SOX7: variants seen among roughly 807,000 people sequenced by gnomAD.
The protein encoded by SOX7 is transcription factor SOX-7.
SOX7 carries 19 observed loss-of-function variants against 24.9 expected under a neutral mutation model. That is an observed-to-expected ratio of 0.76 (90% CI 0.53 to 1.12). The LOEUF (loss-of-function observed/expected upper bound fraction) is 1.12. Among genes scored for constraint, SOX7 ranks in the 50% most tolerant of loss-of-function variants. The probability of loss-of-function intolerance (pLI) is 0.00; values close to 1 mark genes in which losing one functional copy is unlikely to be tolerated. For missense variants in SOX7, 702 were observed against 535.0 expected, an observed-to-expected ratio of 1.31 and a Z score of -3.08; for synonymous variants, 327 against 244.5, an observed-to-expected ratio of 1.34 and a Z score of -3.15.
In SOX7 at chr8:10,725,161, AT is replaced by A. The variant is rs1182515331; in HGVS notation, c.*576del. The A allele has an allele frequency of 1.3e-5, 2 of 154,774 alleles. No homozygotes were observed. The highest frequency in any genetic ancestry group is 2.4e-5 in the African/African-American group (1 of 41,480). The allele number at this position is 154,774 out of a possible 1,614,324, so 9.6% of individuals were successfully genotyped here. A position where few individuals can be genotyped will look rare whatever the true frequency, so the allele number is the denominator to read the frequency against. ...GTGATATAGTTAGCCATACTGGTTAATTTCTCAAATCAGGTTGACTGTTTTT... is the reference window on the plus strand; with the variant it reads ...GTGATATAGTTAGCCATACTGGTTAATTCTCAAATCAGGTTGACTGTTTTT... On this transcript the variant is annotated 3_prime_UTR_variant, in exon 2 of 2. Transcript: ENST00000304501.
rs1381752140 is a variant in SOX7 at position 10,723,998 on chromosome 8, A to T, written c.*1740T>A. 2 of 152,472 alleles carry T rather than the reference A, an allele frequency of 1.3e-5. No individual in the cohort carries two copies. The highest frequency in any genetic ancestry group is 2.9e-5 in the Non-Finnish European group (2 of 68,036). 9.4% of individuals were successfully genotyped at this position (152,472 alleles called of 1,614,324 possible). A position where few individuals can be genotyped will look rare whatever the true frequency, so the allele number is the denominator to read the frequency against. On this transcript the variant is annotated 3_prime_UTR_variant, in exon 2 of 2. Transcript: ENST00000304501. ...CATATAAAGTAATAGCATAAAGAGT[A>T]ATCATACCTTATAAGTGATTTTACA...
Position 10,726,259 on chromosome 8 carries a change from C to T in SOX7, c.646G>A (p.Glu216Lys), listed in dbSNP as rs781742529. ...CAGGGGGAGGAGAAGAAGGTCTGCTCCGGCTCCAGCACGTCCAGGGGAGAC... is the reference window on the plus strand; with the variant it reads ...CAGGGGGAGGAGAAGAAGGTCTGCTTCGGCTCCAGCACGTCCAGGGGAGAC... ...EMSPLDVLEP[E>K]QTFFSSPCQE... is the part of the protein sequence containing the mutation. Residue 216 changes from glutamate to lysine, a missense_variant, in exon 2 of 2, where the codon GAG becomes AAG. Transcript: ENST00000304501. 7.4e-6 allele frequency: 12 copies of T among 1,613,846 alleles called. No individual in the cohort carries two copies. In the Admixed American group the frequency reaches 1.8e-4, roughly 25 times the overall value.
rs1800114011 is a variant in SOX7 at position 10,725,067 on chromosome 8, A to G, written c.*671T>C. ...GAAGTGTGTGTATAATAAACAAATT[A>G]ACAAAAAAAAAGAACTGCTTTAAAA... On this transcript the variant is annotated 3_prime_UTR_variant, in exon 2 of 2. Transcript: ENST00000304501. 1 of 152,872 alleles carries G rather than the reference A, an allele frequency of 6.5e-6. No individual in the cohort carries two copies. Among genetic ancestry groups the G allele is most frequent in the African/African-American group, 2.4e-5 (1 of 41,356 alleles). The allele number at this position is 152,872 out of a possible 1,614,324, so 9.5% of individuals were successfully genotyped here.
Position 10,725,504 on chromosome 8 carries a change from A to T in SOX7, c.*234T>A. On this transcript the variant is annotated 3_prime_UTR_variant, in exon 2 of 2. Transcript: ENST00000304501. ...ACTCTCAGGGGCTGGAGGAAAACTC[A>T]CTTGAAGGAATATACTTAAAATGTG... The T allele has an allele frequency of 1.8e-6, 1 of 570,738 alleles. No homozygotes were observed. Among genetic ancestry groups the T allele is most frequent in the Non-Finnish European group, 3.1e-6 (1 of 320,884 alleles). 35.4% of individuals were successfully genotyped at this position (570,738 alleles called of 1,614,324 possible). A position where few individuals can be genotyped will look rare whatever the true frequency, so the allele number is the denominator to read the frequency against.
rs1356977923 is a variant in SOX7, at chr8:10,730,409, G to GGTA, written c.22_24dup (p.Tyr8dup). ...GGGCACTCGAGACCCTCGGGCCAAG[G>GGTA]GTAGGCTCCCAGCAGCGAAGCCATG... On this transcript the variant is annotated inframe_insertion, in exon 1 of 2. Transcript: ENST00000304501. The surrounding 1 kb of genome is among the most constrained non-coding windows in gnomAD (Gnocchi z 4.8). 3.3e-6 allele frequency: 5 copies of GGTA among 1,497,798 alleles called. No homozygotes were observed. The highest frequency in any genetic ancestry group is 4.4e-6 in the Non-Finnish European group (5 of 1,130,256). 92.8% of individuals were successfully genotyped at this position (1,497,798 alleles called of 1,614,324 possible). A position where few individuals can be genotyped will look rare whatever the true frequency, so the allele number is the denominator to read the frequency against.
Position 10,730,173 on chromosome 8 carries a change from C to T in SOX7, c.238+23G>A, listed in dbSNP as rs778205959. 8.7e-6 allele frequency: 13 copies of T among 1,487,718 alleles called. No individual in the cohort carries two copies. Among genetic ancestry groups the T allele is most frequent in the Non-Finnish European group, 1.2e-5 (13 of 1,124,590 alleles). The allele number at this position is 1,487,718 out of a possible 1,614,324, so 92.2% of individuals were successfully genotyped here. Reference sequence around the variant, plus strand: ...CGCCGCCCGCCCCCGGCCCCCAGCCCGCTCGGCCGCGCGCTCACTCACCCA... The same window carrying T: ...CGCCGCCCGCCCCCGGCCCCCAGCCTGCTCGGCCGCGCGCTCACTCACCCA... On this transcript the variant is annotated intron_variant, in intron 1 of 1. Transcript: ENST00000304501. The surrounding 1 kb of genome is among the most constrained non-coding windows in gnomAD (Gnocchi z 4.8).
At chr8:10,726,755 C>G in intron 1 of SOX7, 89 bp from the exon 2 acceptor site, 1 of 1,179,836 alleles carries the variant, frequency 8.5e-7, no homozygotes, top group Non-Finnish European at 1.2e-6. Context: ...CGTGCACATG[C>G]ACACACACCT....
intron 1 of SOX7, among the ~76,000 whole-genome samples, chr8:10,727,787 G>C (rs1800184614): frequency 6.6e-6 from 1 of 152,184 alleles, no homozygotes; most frequent in Admixed American, 6.5e-5. Context: ...ATGCTAATGT[G>C]TCCTGAAGTT....
intron 1 of SOX7, 111 bp from the exon 2 acceptor site, chr8:10,726,777 C>G: frequency 2.9e-6 from 3 of 1,019,038 alleles, no homozygotes; most frequent in South Asian, 1.7e-5. Context: ...CCTTCCCCCT[C>G]CCAGCCACAG....
chr8:10,728,086 G>A (rs6601512), intron 1 of SOX7, among the ~76,000 whole-genome samples: 89,300 of 152,082 alleles, frequency 0.59, 26,738 homozygotes, highest in African/African-American at 0.66. Context: ...AGGGCTGGTC[G>A]TCAGTTCCCA....
rs556502492 is a variant in SOX7, at chr8:10,730,018, C to T, written c.238+178G>A. On this transcript the variant is annotated intron_variant, in intron 1 of 1. Coordinates refer to ENST00000304501, the MANE Select transcript of SOX7 (RefSeq NM_031439.4). This position sits in a 1 kb window ranked among gnomAD's most constrained non-coding sequence, Gnocchi z 4.8. ...CGCGCCAAGTGCCCCCGCTCTGAAT[C>T]CTGGGCACCGCGAGCACCCACGCTC... Among the ~76,000 whole-genome samples the T allele has an allele frequency of 2.0e-5, 3 of 152,198 alleles. No homozygotes were observed. The highest frequency in any genetic ancestry group is 4.8e-5 in the African/African-American group (2 of 41,556).
At chr8:10,726,795 G>T in intron 1 of SOX7, 129 bp from the exon 2 acceptor site, 1 of 842,510 alleles carries the variant, frequency 1.2e-6, no homozygotes, top group Non-Finnish European at 1.8e-6. Context: ...CAGAGGACAC[G>T]GGCATCTCTT....
In SOX7 at chr8:10,725,826, A is replaced by G; in HGVS notation, c.1079T>C (p.Val360Ala). The change falls in exon 2 of 2, where the codon GTG becomes GCG. Residue 360 changes from valine (V) to alanine (A), a missense_variant. Val to Ala is a moderately conservative substitution (Grantham distance 64). Coordinates refer to ENST00000304501, the MANE Select transcript of SOX7 (RefSeq NM_031439.4). ...ALSGHVPVSQ[V>A]TPTGPTETSL... Reference sequence around the variant, plus strand: ...GGTCTCTGTGGGACCCGTTGGTGTCACCTGGGAGACCGGAACATGCCCACT... The same window carrying G: ...GGTCTCTGTGGGACCCGTTGGTGTCGCCTGGGAGACCGGAACATGCCCACT... 4 of 1,614,134 alleles carry G rather than the reference A, an allele frequency of 2.5e-6. No individual in the cohort carries two copies. The highest frequency in any genetic ancestry group is 3.4e-6 in the Non-Finnish European group (4 of 1,180,018).
In SOX7 at chr8:10,725,837, C is replaced by A. The variant is rs541213618; in HGVS notation, c.1068G>T (p.Pro356=). The A allele has an allele frequency of 2.6e-5, 42 of 1,614,030 alleles. No individual in the cohort carries two copies. The East Asian group carries it at 6.2e-4, about 24-fold the overall frequency. Residue 356 remains proline, a synonymous_variant, in exon 2 of 2, where the codon CCG becomes CCT. Transcript: ENST00000304501. ...TGAMALSGHV[P]VSQVTPTGPT... is the part of the protein sequence containing the mutation. The stretch of plus-strand genomic sequence containing the variant: ...GACCCGTTGGTGTCACCTGGGAGAC[C>A]GGAACATGCCCACTGAGGGCCATGG...
Position 10,726,528 on chromosome 8 carries a change from C to A in SOX7, c.377G>T (p.Cys126Phe), listed in dbSNP as rs536275473. Residue 126 changes from cysteine (C) to phenylalanine (F), a missense_variant, in exon 2 of 2, where the codon TGC becomes TTC. Transcript: ENST00000304501. ...AAGGAAGCCCGGGTCCACGCGCTTG[C>A]ACAGCCGCTTGGCCTGCTTCTTCCT... The part of the protein sequence containing the change: ...PRRKKQAKRL[C>F]KRVDPGFLLS... 6 of 1,612,568 alleles carry A rather than the reference C, an allele frequency of 3.7e-6. No homozygotes were observed. Among genetic ancestry groups the A allele is most frequent in the Non-Finnish European group, 5.1e-6 (6 of 1,179,970 alleles).
chr8:10,726,201 G>A lies in SOX7; in HGVS notation c.704C>T (p.Pro235Leu). ...QEEHGHPRRI[P>L]HLPGHPYSPE... ...TGAGTACGGGTGCCCTGGCAGGTGG[G>A]GGATGCGGCGGGGATGGCCATGCTC... Residue 235 changes from proline to leucine, a missense_variant, in exon 2 of 2, where the codon CCC becomes CTC. Pro to Leu is a moderately conservative substitution (Grantham distance 98). Coordinates refer to ENST00000304501, the MANE Select transcript of SOX7 (RefSeq NM_031439.4). The A allele has an allele frequency of 6.2e-7, 1 of 1,613,112 alleles. No individual in the cohort carries two copies. The highest frequency in any genetic ancestry group is 8.5e-7 in the Non-Finnish European group (1 of 1,179,566).
chr8:10,727,132 T>C (rs11774893), intron 1 of SOX7, among the ~76,000 whole-genome samples: 66,501 of 152,034 alleles, frequency 0.44, 15,655 homozygotes, highest in Non-Finnish European at 0.53. Context: ...TACTATCATA[T>C]TTACCTATGG....
intron 1 of SOX7, among the ~76,000 whole-genome samples, chr8:10,727,531 T>C (rs575507453): frequency 3.0e-4 from 45 of 152,330 alleles, no homozygotes; most frequent in African/African-American, 1.1e-3. Context: ...ACTCTCTCTT[T>C]AAAAATTATT....
chr8:10,730,142 G>A lies in SOX7; in HGVS notation c.238+54C>T, dbSNP rs924678937. Reference sequence around the variant, plus strand: ...TCGCACCCGCCCTGCAGTGCCGCCAGCCGCCCGCCGCCCGCCCCCGGCCCC... The same window carrying A: ...TCGCACCCGCCCTGCAGTGCCGCCAACCGCCCGCCGCCCGCCCCCGGCCCC... On this transcript the variant is annotated intron_variant, in intron 1 of 1. Transcript: ENST00000304501. This position sits in a 1 kb window ranked among gnomAD's most constrained non-coding sequence, Gnocchi z 4.8. 1 of 1,296,534 alleles carries A rather than the reference G, an allele frequency of 7.7e-7. No individual in the cohort carries two copies. The highest frequency in any genetic ancestry group is 1.6e-5 in the African/African-American group (1 of 62,898). The allele number at this position is 1,296,534 out of a possible 1,614,324, so 80.3% of individuals were successfully genotyped here.
Sources: allele counts gnomAD v4.1 joint callset (sites outside exome capture counted in the v4.1 genomes callset), GRCh38; gene constraint gnomAD v4.1.1; non-coding constraint Gnocchi (gnomAD v3.1); transcripts MANE v1.5; gene names NCBI Gene and HGNC (gene_info 2026-07-23, HGNC 2026-07-21).